The following OSBPL5 variants were observed in gnomAD, a reference collection of about 807,000 sequenced individuals.
The protein encoded by OSBPL5 is oxysterol-binding protein-related protein 5.
A neutral mutation model predicts 111.2 loss-of-function variants in OSBPL5; 71 were observed. The observed-to-expected ratio is 0.64, with a 90% confidence interval of 0.53 to 0.78. The LOEUF (loss-of-function observed/expected upper bound fraction) is 0.78. Among genes scored for constraint, OSBPL5 ranks in the 30% least tolerant of loss-of-function variants. The pLI, the probability that OSBPL5 is intolerant of heterozygous loss-of-function variation, is 0.00. For synonymous variants in OSBPL5, 549 were observed against 513.9 expected (o/e 1.07, Z -0.93); for missense variants, 1,210 against 1,189.3 (o/e 1.02, Z -0.26).
intron 6 of OSBPL5, 122 bp from the exon 7 acceptor site, chr11:3,119,753 G>T (rs1858337736): frequency 1.1e-6 from 1 of 913,992 alleles, no homozygotes; most frequent in Non-Finnish European, 1.6e-6. Context: ...GGGCCACAGG[G>T]CCACCAGGTG....
At chr11:3,133,618 ACTCT>A (rs1445205221) in intron 1 of OSBPL5, among the ~76,000 whole-genome samples, 4 of 151,784 alleles carry the variant, frequency 2.6e-5, no homozygotes, top group Non-Finnish European at 4.4e-5. Flanking sequence ...GCCCCCAATG[ACTCT>A]CTGCTCATCT....
chr11:3,133,863 G>A (rs1219320860), intron 1 of OSBPL5, among the ~76,000 whole-genome samples: 1 of 152,172 alleles, frequency 6.6e-6, no homozygotes, highest in Non-Finnish European at 1.5e-5. Flanking sequence ...GAAAGGTCAC[G>A]TTTCTGCCTG....
Position 3,110,057 on chromosome 11 carries a change from A to C in OSBPL5, c.692-2112T>G, listed in dbSNP as rs544884007. 6.6e-6 allele frequency among the ~76,000 whole-genome samples: 1 copy of C among 152,252 alleles called. No homozygotes were observed. The highest frequency in any genetic ancestry group is 1.9e-4 in the East Asian group (1 of 5,154). ...CTGCCCTGGCCATCCCCGGGCCTGC[A>C]TGGGACCTGGCACATAGTGGGGCAC... On this transcript the variant is annotated intron_variant, in intron 7 of 21. Transcript: ENST00000263650. This position sits in a 1 kb window ranked among gnomAD's most constrained non-coding sequence, Gnocchi z 5.3.
At chr11:3,148,016 C>G (rs1846420414) in intron 1 of OSBPL5, among the ~76,000 whole-genome samples, 1 of 152,200 alleles carries the variant, frequency 6.6e-6, no homozygotes, top group Non-Finnish European at 1.5e-5. Flanking sequence ...CTCCGCACGC[C>G]CCCGGCACCC....
chr11:3,124,794 G>A (rs562180595), intron 3 of OSBPL5, among the ~76,000 whole-genome samples: 192 of 144,566 alleles, frequency 1.3e-3, no homozygotes, highest in African/African-American at 4.8e-3. Context: ...CAAGCATCTC[G>A]AATGAATGAA....
At chr11:3,103,790 TCCTGCC>T (rs1857570194) in intron 10 of OSBPL5, among the ~76,000 whole-genome samples, 1 of 53,380 alleles carries the variant, frequency 1.9e-5, no homozygotes, top group Non-Finnish European at 4.6e-5. Context: ...TGCAGTCCCT[TCCTGCC>T]TCTGCAGCCC....
chr11:3,135,641 T>C (rs1208831876), intron 1 of OSBPL5, among the ~76,000 whole-genome samples: 1 of 152,184 alleles, frequency 6.6e-6, no homozygotes, highest in Non-Finnish European at 1.5e-5. Flanking sequence ...TCTCGGGGAC[T>C]GCAGGTGGCC....
chr11:3,103,678 G>C (rs1857535055), intron 10 of OSBPL5, among the ~76,000 whole-genome samples: 1 of 134,628 alleles, frequency 7.4e-6, no homozygotes, highest in African/African-American at 3.0e-5. Flanking sequence ...CCCCCTTCCA[G>C]TCTCTGCAGC....
Position 3,110,781 on chromosome 11 carries a change from C to T in OSBPL5, c.692-2836G>A, listed in dbSNP as rs1299278002. Among the ~76,000 whole-genome samples the T allele has an allele frequency of 6.6e-6, 1 of 152,150 alleles. No homozygotes were observed. Among genetic ancestry groups the T allele is most frequent in the Non-Finnish European group, 1.5e-5 (1 of 68,036 alleles). ...ATCTACCTATGACCTGGAAGCCCCT[C>T]CCCGCTTGAAGTTGTCCCGCCTTTC... is the stretch of plus-strand genomic sequence containing the variant. On this transcript the variant is annotated intron_variant, in intron 7 of 21. Transcript: ENST00000263650. This position sits in a 1 kb window ranked among gnomAD's most constrained non-coding sequence, Gnocchi z 5.3.
chr11:3,150,502 A>C (rs1007142005), intron 1 of OSBPL5, among the ~76,000 whole-genome samples: 2 of 152,104 alleles, frequency 1.3e-5, no homozygotes, highest in African/African-American at 4.8e-5. Flanking sequence ...CCATGTCAGC[A>C]GCGTGCAGAC....
In OSBPL5 at chr11:3,089,931, G is replaced by A. The variant is rs1313357616; in HGVS notation, c.2416C>T (p.Pro806Ser). 2 of 1,558,144 alleles carry A rather than the reference G, an allele frequency of 1.3e-6. No homozygotes were observed. The highest frequency in any genetic ancestry group is 8.7e-7 in the Non-Finnish European group (1 of 1,150,770). The change falls in exon 21 of 22, where the codon CCT becomes TCT. Residue 806 changes from proline (P) to serine (S), a missense_variant. Physicochemically the swap from Pro to Ser is moderately conservative, Grantham distance 74. Transcript: ENST00000263650. ...CGCCGCGCCTCCTTCCTGCACCGAG[G>A]GCATGGGCTCTCACCGCCTGGGACG... is the stretch of plus-strand genomic sequence containing the variant. Reference protein sequence around the residue: ...DFVPGGESPCPRCRKEARRLQ... With the variant: ...DFVPGGESPCSRCRKEARRLQ...
intron 7 of OSBPL5, among the ~76,000 whole-genome samples, chr11:3,111,978 TGCGC>T (rs993973118): frequency 3.0e-5 from 4 of 133,962 alleles, no homozygotes; most frequent in Admixed American, 2.9e-4. Context: ...TGCATATGTG[TGCGC>T]GCATGTGTGT....
rs148367262 is a variant in OSBPL5, at chr11:3,161,577, G to A, written c.-22+3639C>T. ...CTGTGTGCCAGCCCCTGGGAAGAGA[G>A]CCCGGAGCAGACTTGCAGGCAACCG... is the stretch of plus-strand genomic sequence containing the variant. On this transcript the variant is annotated intron_variant, in intron 1 of 21. Transcript: ENST00000263650. The surrounding 1 kb of genome is among the most constrained non-coding windows in gnomAD (Gnocchi z 8.0). Among the ~76,000 whole-genome samples, 219 of 152,288 alleles carry A rather than the reference G, an allele frequency of 1.4e-3. No homozygotes were observed. Among genetic ancestry groups the A allele is most frequent in the African/African-American group, 5.1e-3 (211 of 41,570 alleles).
chr11:3,142,719 G>A lies in OSBPL5; in HGVS notation c.-21-13550C>T, dbSNP rs964567943. 3.3e-5 allele frequency among the ~76,000 whole-genome samples: 5 copies of A among 152,088 alleles called. No individual in the cohort carries two copies. The highest frequency in any genetic ancestry group is 7.2e-5 in the African/African-American group (3 of 41,404). On this transcript the variant is annotated intron_variant, in intron 1 of 21. Transcript: ENST00000263650. The surrounding 1 kb of genome is among the most constrained non-coding windows in gnomAD (Gnocchi z 7.1). ...GACCTGTCCCTCTGTCTCCGTGTCC[G>A]CGGGGCCCGGCAGGAAGTCGTGTGC...
In OSBPL5 at chr11:3,142,905, C is replaced by T. The variant is rs1178753394; in HGVS notation, c.-21-13736G>A. Among the ~76,000 whole-genome samples the T allele has an allele frequency of 3.3e-5, 5 of 151,276 alleles. No individual in the cohort carries two copies. Among genetic ancestry groups the T allele is most frequent in the Admixed American group, 6.6e-5 (1 of 15,192 alleles). On this transcript the variant is annotated intron_variant, in intron 1 of 21. Transcript: ENST00000263650. This position sits in a 1 kb window ranked among gnomAD's most constrained non-coding sequence, Gnocchi z 7.1. Reference sequence around the variant, plus strand: ...AAAACCAGTCACCCAGGACAGCGGACGGCACACGGGGTGGGGGTGTGTGAG... The same window carrying T: ...AAAACCAGTCACCCAGGACAGCGGATGGCACACGGGGTGGGGGTGTGTGAG...
At chr11:3,094,411 C>G in intron 14 of OSBPL5, 77 bp from the exon 15 acceptor site, 1 of 1,148,982 alleles carries the variant, frequency 8.7e-7, no homozygotes, top group African/African-American at 1.7e-5. Context: ...ACCGACCCAG[C>G]AGCACCGATC....
chr11:3,094,931 G>A (rs1020256079), intron 14 of OSBPL5: 1 of 152,080 alleles, frequency 6.6e-6, no homozygotes, highest in Non-Finnish European at 1.5e-5. Context: ...TCTGGCATAT[G>A]GAGGAGGTAA....
At chr11:3,091,062 C>A (rs868169144) in intron 19 of OSBPL5, among the ~76,000 whole-genome samples, 5 of 152,212 alleles carry the variant, frequency 3.3e-5, no homozygotes, top group Non-Finnish European at 7.3e-5. Flanking sequence ...GCCATGAGGA[C>A]AGATGAAAGC....
At chr11:3,119,403 G>A (rs1033355812) in intron 7 of OSBPL5, 144 bp downstream of exon 7, 28 of 744,574 alleles carry the variant, frequency 3.8e-5, no homozygotes, top group Middle Eastern at 5.2e-4. Context: ...ACTCCGAGCC[G>A]GGCTCATCCT....
Sources: allele counts gnomAD v4.1 joint callset (sites outside exome capture counted in the v4.1 genomes callset), GRCh38; gene constraint gnomAD v4.1.1; non-coding constraint Gnocchi (gnomAD v3.1); transcripts MANE v1.5; gene names NCBI Gene and HGNC (gene_info 2026-07-23, HGNC 2026-07-21).